Variants in STK32B observed in about 807,000 individuals in gnomAD.
The protein encoded by STK32B is serine/threonine kinase 32B, also known as serine/threonine-protein kinase 32B.
Under a neutral mutation model 52.6 loss-of-function variants are expected in STK32B, and 43 were observed. That is an observed-to-expected ratio of 0.82 (90% CI 0.64 to 1.05). The LOEUF (loss-of-function observed/expected upper bound fraction) is 1.05, where lower values mean the gene tolerates loss of function less well. STK32B is among the 50% of genes least tolerant of loss of function. The pLI is 0.00. For missense variants in STK32B, 621 were observed against 534.6 expected, an observed-to-expected ratio of 1.16 and a Z score of -1.59; for synonymous variants, 238 against 204.3, an observed-to-expected ratio of 1.17 and a Z score of -1.41.
chr4:5,125,994 A>G (rs1577085304), intron 1 of STK32B, among the ~76,000 whole-genome samples: 1 of 152,076 alleles, frequency 6.6e-6, no homozygotes, highest in African/African-American at 2.4e-5. Context: ...TTGCCCTGGC[A>G]CCATTTGTTG....
At chr4:5,125,865 G>A (rs550736871) in intron 1 of STK32B, among the ~76,000 whole-genome samples, 32 of 152,208 alleles carry the variant, frequency 2.1e-4, no homozygotes, top group Admixed American at 1.6e-3. Context: ...AGACCCCCAC[G>A]AAGGGGCTGC....
At chr4:5,123,969 C>G (rs1373783109) in intron 1 of STK32B, among the ~76,000 whole-genome samples, 2 of 152,100 alleles carry the variant, frequency 1.3e-5, no homozygotes, top group Non-Finnish European at 2.9e-5. Context: ...AGCCTGTTAG[C>G]CTTCTCATGT....
At chr4:5,189,797 C>T (rs1352173901) in intron 3 of STK32B, among the ~76,000 whole-genome samples, 2 of 152,152 alleles carry the variant, frequency 1.3e-5, no homozygotes, top group Non-Finnish European at 1.5e-5. Context: ...GTTCCTGCTG[C>T]TCCCTCCACA....
Position 5,330,356 on chromosome 4 carries a change from G to A in STK32B, c.261-864G>A, listed in dbSNP as rs1175380690. Among the ~76,000 whole-genome samples, 7 of 152,326 alleles carry A rather than the reference G, an allele frequency of 4.6e-5. 1 individual carries two copies. In the South Asian group the frequency reaches 1.5e-3, roughly 32 times the overall value. ...GTTTAACAACAATCTCAGATTCTAT[G>A]TGTTGGCTCTTCAGTCCTTAGAAAG... On this transcript the variant is annotated intron_variant, in intron 3 of 11. Coordinates refer to ENST00000282908, the MANE Select transcript of STK32B (RefSeq NM_018401.3).
At chr4:5,024,144 C>G in the STK32B span, among the ~76,000 whole-genome samples, 1 of 152,292 alleles carries the variant, frequency 6.6e-6, no homozygotes, top group East Asian at 1.9e-4. Flanking sequence ...GTCATCTTGA[C>G]TAGGCTACCA....
At chr4:5,462,089 G>A (rs1717070465) in intron 9 of STK32B, among the ~76,000 whole-genome samples, 1 of 148,672 alleles carries the variant, frequency 6.7e-6, no homozygotes, top group Non-Finnish European at 1.5e-5. Context: ...GGGTATGTGT[G>A]GAAGTGTGTC....
chr4:5,062,453 C>T (rs1436735949), intron 1 of STK32B, among the ~76,000 whole-genome samples: 2 of 152,192 alleles, frequency 1.3e-5, no homozygotes, highest in African/African-American at 2.4e-5. Flanking sequence ...ATGTCCTCCA[C>T]TCCCTTTCCC....
chr4:5,221,263 A>T (rs1259677034), intron 3 of STK32B, among the ~76,000 whole-genome samples: 3 of 152,212 alleles, frequency 2.0e-5, no homozygotes, highest in Admixed American at 2.0e-4. Flanking sequence ...AGTAGAATGA[A>T]CTATATTCTT....
intron 3 of STK32B, among the ~76,000 whole-genome samples, chr4:5,271,547 A>G (rs377761881): frequency 2.0e-5 from 3 of 148,874 alleles, no homozygotes; most frequent in Admixed American, 6.6e-5. Context: ...GAAGAAAGTC[A>G]TTGGTAGCTT....
intron 4 of STK32B, among the ~76,000 whole-genome samples, chr4:5,364,783 T>C (rs547774389): frequency 3.3e-5 from 5 of 152,298 alleles, no homozygotes; most frequent in South Asian, 2.1e-4. Context: ...CCCACACATA[T>C]ACCTTCAGGC....
chr4:5,139,789 T>A, intron 1 of STK32B, 116 bp from the exon 2 acceptor site: 2 of 1,160,844 alleles, frequency 1.7e-6, no homozygotes. Flanking sequence ...GCAAGTATAG[T>A]GCACCTGACC....
intron 1 of STK32B, among the ~76,000 whole-genome samples, chr4:5,070,532 C>T (rs1030315385): frequency 2.0e-5 from 3 of 149,774 alleles, no homozygotes; most frequent in African/African-American, 7.3e-5. Context: ...CAAAATAAGA[C>T]GTGTAGAAGC....
chr4:5,039,785 A>C, the STK32B span, among the ~76,000 whole-genome samples: 1 of 152,204 alleles, frequency 6.6e-6, no homozygotes, highest in Non-Finnish European at 1.5e-5. Flanking sequence ...GATGGCTGCC[A>C]TGTCACCAGG....
chr4:5,434,452 GTGTATATA>G (rs71169696), intron 6 of STK32B, among the ~76,000 whole-genome samples: 13,484 of 143,136 alleles, frequency 0.094, 913 homozygotes, highest in East Asian at 0.4. Context: ...GTGTGTGTGT[GTGTATATA>G]TATATATATA....
chr4:5,139,000 A>C (rs1379185338), intron 1 of STK32B, among the ~76,000 whole-genome samples: 2 of 152,176 alleles, frequency 1.3e-5, no homozygotes, highest in Non-Finnish European at 2.9e-5. Context: ...GCAGAGGACA[A>C]GCAAGATCAC....
intron 1 of STK32B, among the ~76,000 whole-genome samples, chr4:5,059,601 A>G (rs972877871): frequency 6.6e-6 from 1 of 152,206 alleles, no homozygotes; most frequent in Non-Finnish European, 1.5e-5. Flanking sequence ...TGATTTGCCA[A>G]CGTTTTGTTT....
At position 5,112,323 on chromosome 4, in the gene STK32B, C is replaced by G. The variant is rs146100891; in HGVS notation, c.53-27582C>G. Among the ~76,000 whole-genome samples the G allele has an allele frequency of 3.7e-3, 569 of 152,240 alleles. 1 individual carries two copies. Among genetic ancestry groups the G allele is most frequent in the Non-Finnish European group, 5.9e-3 (401 of 68,020 alleles). Reference sequence around the variant, plus strand: ...AGAGATTTATTATAAGGAATTGATTCATGTATTCAGGAGACTAAGACATCC... The same window carrying G: ...AGAGATTTATTATAAGGAATTGATTGATGTATTCAGGAGACTAAGACATCC... On this transcript the variant is annotated intron_variant, in intron 1 of 11. Coordinates refer to ENST00000282908, the MANE Select transcript of STK32B (RefSeq NM_018401.3).
At chr4:5,315,502 T>C (rs1730611527) in intron 3 of STK32B, among the ~76,000 whole-genome samples, 1 of 145,598 alleles carries the variant, frequency 6.9e-6, no homozygotes, top group Non-Finnish European at 1.5e-5. Context: ...TCTAAAACTG[T>C]ATGTATGTTT....
chr4:5,189,431 C>G (rs772288031), intron 3 of STK32B, among the ~76,000 whole-genome samples: 12 of 152,192 alleles, frequency 7.9e-5, no homozygotes, highest in Non-Finnish European at 1.8e-4. Flanking sequence ...AGATTGGCTT[C>G]TTTCACTTAG....
Sources: gnomAD v4.1 joint callset for allele counts (sites outside exome capture counted in the v4.1 genomes callset) on GRCh38, gnomAD v4.1.1 for gene constraint, MANE v1.5 for transcripts, NCBI Gene and HGNC (gene_info 2026-07-23, HGNC 2026-07-21) for gene names.